The following ADPRM variants were observed in gnomAD, a reference collection of about 807,000 sequenced individuals.
ADPRM encodes the protein ADP-ribose/CDP-alcohol diphosphatase, manganese dependent, also known as manganese-dependent ADP-ribose/CDP-alcohol diphosphatase.
A neutral mutation model predicts 27.2 loss-of-function variants in ADPRM; 17 were observed. The ratio of observed to expected loss-of-function variants is 0.63; its 90% CI spans 0.43 to 0.94. The LOEUF (loss-of-function observed/expected upper bound fraction) is 0.94. Among genes scored for constraint, ADPRM ranks in the 40% least tolerant of loss-of-function variants. ADPRM has a pLI of 0.00. For synonymous variants in ADPRM, 135 were observed against 145.3 expected (o/e 0.93, Z 0.51); for missense variants, 337 against 412.8 (o/e 0.82, Z 1.59).
chr17:10,701,255 T>C lies in ADPRM; in HGVS notation c.-18+3588T>C, dbSNP rs77279764. Among the ~76,000 whole-genome samples, 117 of 152,288 alleles carry C rather than the reference T, an allele frequency of 7.7e-4. No homozygotes were observed. The East Asian group carries it at 0.019, about 24-fold the overall frequency. ...CTCCTTTCTATTCAAAAGCGAAATA[T>C]TTCCTTAGGTCTTCTAATTTTTCCA... is the stretch of plus-strand genomic sequence containing the variant. On this transcript the variant is annotated intron_variant, in intron 1 of 3. Coordinates refer to ENST00000379774, the MANE Select transcript of ADPRM (RefSeq NM_020233.5).
chr17:10,702,451 G>A lies in ADPRM; in HGVS notation c.-17-2459G>A, dbSNP rs1007672640. 2.0e-5 allele frequency among the ~76,000 whole-genome samples: 3 copies of A among 152,236 alleles called. No homozygotes were observed. The highest frequency in any genetic ancestry group is 7.2e-5 in the African/African-American group (3 of 41,466). On this transcript the variant is annotated intron_variant, in intron 1 of 3. Coordinates refer to ENST00000379774, the MANE Select transcript of ADPRM (RefSeq NM_020233.5). The surrounding 1 kb of genome is among the most constrained non-coding windows in gnomAD (Gnocchi z 4.2). ...CAGGAGAATTTATGTGCTGACATGT[G>A]TAACTAAATGACCAGTGTTCTAGCA...
At chr17:10,697,739 G>T in intron 1 of ADPRM, 72 bp downstream of exon 1, 1 of 614,976 alleles carries the variant, frequency 1.6e-6, no homozygotes, top group Non-Finnish European at 2.9e-6. Flanking sequence ...CGGGACAGCG[G>T]AGCGCCGGGA....
Position 10,711,117 on chromosome 17 carries a change from C to G in ADPRM, c.1002C>G (p.Tyr334Ter). Residue 334 changes from tyrosine (Y) to a stop codon, truncating the protein, a stop_gained, in exon 4 of 4, where the codon TAC becomes TAG. Coordinates refer to ENST00000379774, the MANE Select transcript of ADPRM (RefSeq NM_020233.5). LOFTEE classifies it high-confidence loss of function. Reference protein sequence around the residue: ...RGRVPDRIMNYKKERAFHC With the variant: ...RGRVPDRIMN ...GAGTTCCAGATAGAATTATGAATTACAAGAAAGAAAGAGCCTTCCATTGTT... is the reference window on the plus strand; with the variant it reads ...GAGTTCCAGATAGAATTATGAATTAGAAGAAAGAAAGAGCCTTCCATTGTT... The G allele has an allele frequency of 6.2e-7, 1 of 1,609,590 alleles. No individual in the cohort carries two copies. The highest frequency in any genetic ancestry group is 8.5e-7 in the Non-Finnish European group (1 of 1,176,462).
chr17:10,697,813 G>A (rs2074744977), intron 1 of ADPRM, 146 bp downstream of exon 1: 1 of 281,204 alleles, frequency 3.6e-6, no homozygotes, highest in South Asian at 3.1e-5. Context: ...CAAGCGCTGG[G>A]GGCCCCCGCT....
intron 3 of ADPRM, 49 bp downstream of exon 3, chr17:10,706,603 A>G (rs1597516579): frequency 7.4e-7 from 1 of 1,342,824 alleles, no homozygotes; most frequent in African/African-American, 1.5e-5. Context: ...AGATTGGGAA[A>G]AGTTAGGCGT....
chr17:10,705,078 A>G lies in ADPRM; in HGVS notation c.152A>G (p.His51Arg), dbSNP rs2074804548. The change falls in exon 2 of 4, where the codon CAC becomes CGC. Residue 51 changes from histidine (H) to arginine (R), a missense_variant. Physicochemically the swap from His to Arg is conservative, Grantham distance 29. Transcript: ENST00000379774. The surrounding 1 kb of genome is among the most constrained non-coding windows in gnomAD (Gnocchi z 5.4). ...RRRYYRHSLLHLQGAIEDWNN... is the reference protein window; with the variant it reads ...RRRYYRHSLLRLQGAIEDWNN... ...CGATACTACAGACATAGTCTTCTTC[A>G]CTTACAGGGTGCCATTGAAGACTGG... is the stretch of plus-strand genomic sequence containing the variant. 1 of 1,614,132 alleles carries G rather than the reference A, an allele frequency of 6.2e-7. No homozygotes were observed. The highest frequency in any genetic ancestry group is 8.5e-7 in the Non-Finnish European group (1 of 1,180,040).
intron 1 of ADPRM, among the ~76,000 whole-genome samples, chr17:10,701,574 C>T (rs575760716): frequency 6.6e-6 from 1 of 152,276 alleles, no homozygotes; most frequent in East Asian, 1.9e-4. Flanking sequence ...CGTGATCCGC[C>T]CACCTTGGCC....
rs1373784982 is a variant in ADPRM at position 10,702,706 on chromosome 17, T to G, written c.-17-2204T>G. Reference sequence around the variant, plus strand: ...CCCTAACTGGCCAGAGGAAACTGGGTTTTTACGGGCCAGGTCTGGGCCATG... The same window carrying G: ...CCCTAACTGGCCAGAGGAAACTGGGGTTTTACGGGCCAGGTCTGGGCCATG... On this transcript the variant is annotated intron_variant, in intron 1 of 3. Transcript: ENST00000379774. The surrounding 1 kb of genome is among the most constrained non-coding windows in gnomAD (Gnocchi z 4.2). Among the ~76,000 whole-genome samples the G allele has an allele frequency of 6.6e-6, 1 of 152,084 alleles. No homozygotes were observed. The highest frequency in any genetic ancestry group is 1.5e-5 in the Non-Finnish European group (1 of 68,018).
chr17:10,709,134 T>G (rs2074833523), intron 3 of ADPRM, among the ~76,000 whole-genome samples: 1 of 152,216 alleles, frequency 6.6e-6, no homozygotes, highest in Admixed American at 6.5e-5. Context: ...ATCCTATACC[T>G]TTTGAATTTT....
chr17:10,702,143 TA>T lies in ADPRM; in HGVS notation c.-17-2763del, dbSNP rs1316735572. On this transcript the variant is annotated intron_variant, in intron 1 of 3. Coordinates refer to ENST00000379774, the MANE Select transcript of ADPRM (RefSeq NM_020233.5). The surrounding 1 kb of genome is among the most constrained non-coding windows in gnomAD (Gnocchi z 4.2). Reference sequence around the variant, plus strand: ...CCAAAATCTGAAAAAGTCCGAAATCTAAAACACTTCTGGTCCCAAGCATTTT... The same window carrying T: ...CCAAAATCTGAAAAAGTCCGAAATCTAAACACTTCTGGTCCCAAGCATTTT... Among the ~76,000 whole-genome samples, 1 of 152,238 alleles carries T rather than the reference TA, an allele frequency of 6.6e-6. No individual in the cohort carries two copies. The highest frequency in any genetic ancestry group is 2.4e-5 in the African/African-American group (1 of 41,458).
Position 10,704,890 on chromosome 17 carries a change from C to T in ADPRM, c.-17-20C>T, listed in dbSNP as rs764044483. The T allele has an allele frequency of 8.8e-6, 13 of 1,484,732 alleles. No homozygotes were observed. The Admixed American group carries it at 2.5e-4, about 28-fold the overall frequency. The allele number at this position is 1,484,732 out of a possible 1,614,324, so 92.0% of individuals were successfully genotyped here. A position where few individuals can be genotyped will look rare whatever the true frequency, so the allele number is the denominator to read the frequency against. On this transcript the variant is annotated intron_variant, in intron 1 of 3. Transcript: ENST00000379774. Reference sequence around the variant, plus strand: ...ATTAAAACGTTTATAATTTAGTTATCGTCTTTTTACTTTATTTAGAAACCT... The same window carrying T: ...ATTAAAACGTTTATAATTTAGTTATTGTCTTTTTACTTTATTTAGAAACCT...
At chr17:10,708,450 A>AAAAAAATC (rs57337863) in intron 3 of ADPRM, among the ~76,000 whole-genome samples, 1 of 118,938 alleles carries the variant, frequency 8.4e-6, no homozygotes, top group Non-Finnish European at 1.6e-5. Context: ...AAAAAAAAAA[A>AAAAAAATC]CCTTTGAAAA....
intron 1 of ADPRM, among the ~76,000 whole-genome samples, chr17:10,699,518 C>CTTTTTTTTTTTTTT (rs781412834): frequency 1.8e-5 from 2 of 113,340 alleles, no homozygotes; most frequent in African/African-American, 6.8e-5. Context: ...TCTTTTCTTT[C>CTTTTTTTTTTTTTT]TTTTTTTTTT....
At position 10,697,633 on chromosome 17, in the gene ADPRM, A is replaced by G; in HGVS notation, c.-52A>G. On this transcript the variant is annotated 5_prime_UTR_variant, in exon 1 of 4. Coordinates refer to ENST00000379774, the MANE Select transcript of ADPRM (RefSeq NM_020233.5). ...TTGGTGGCGCTGTTACATAGCCCGT[A>G]GTCAGAGGCCTTTCAGCCCAGGGGC... 1 of 1,211,308 alleles carries G rather than the reference A, an allele frequency of 8.3e-7. No homozygotes were observed. The highest frequency in any genetic ancestry group is 1.2e-6 in the Non-Finnish European group (1 of 841,136). 75.0% of individuals were successfully genotyped at this position (1,211,308 alleles called of 1,614,324 possible).
At chr17:10,703,338 G>A (rs2074791523) in intron 1 of ADPRM, among the ~76,000 whole-genome samples, 1 of 152,142 alleles carries the variant, frequency 6.6e-6, no homozygotes, top group South Asian at 2.1e-4. Context: ...AGATTTTCAG[G>A]TAGGGGCTGC....
In ADPRM at chr17:10,704,173, G is replaced by A. The variant is rs116943392; in HGVS notation, c.-17-737G>A. ...AGCCTGGGCAACATAGTGAGACCCT[G>A]TCAAAAACAAAAACAAAAACCACAA... On this transcript the variant is annotated intron_variant, in intron 1 of 3. Transcript: ENST00000379774. 1.0e-3 allele frequency among the ~76,000 whole-genome samples: 142 copies of A among 141,288 alleles called. 1 individual carries two copies. In the East Asian group the frequency reaches 0.022, roughly 22 times the overall value. 92.7% of individuals were successfully genotyped at this position (141,288 alleles called of 152,430 possible).
chr17:10,710,698 T>C (rs2074846144), intron 3 of ADPRM, 136 bp from the exon 4 acceptor site: 1 of 739,720 alleles, frequency 1.4e-6, no homozygotes, highest in Admixed American at 2.9e-5. Context: ...GTGTGAATTC[T>C]CTCTGGTCTC....
Position 10,705,661 on chromosome 17 carries a change from C to A in ADPRM, c.601+134C>A. The A allele has an allele frequency of 1.5e-6, 2 of 1,338,516 alleles. No homozygotes were observed. Among genetic ancestry groups the A allele is most frequent in the South Asian group, 1.5e-5 (1 of 66,408 alleles). The allele number at this position is 1,338,516 out of a possible 1,614,324, so 82.9% of individuals were successfully genotyped here. A position where few individuals can be genotyped will look rare whatever the true frequency, so the allele number is the denominator to read the frequency against. ...GTTCAGGGTCAGGATTTCTCACAAG[C>A]CTTCTCACATGGATTGGTTACAGTT... On this transcript the variant is annotated intron_variant, in intron 2 of 3. Coordinates refer to ENST00000379774, the MANE Select transcript of ADPRM (RefSeq NM_020233.5). This position sits in a 1 kb window ranked among gnomAD's most constrained non-coding sequence, Gnocchi z 5.4.
chr17:10,707,790 T>C (rs1057291791), intron 3 of ADPRM, among the ~76,000 whole-genome samples: 4 of 152,190 alleles, frequency 2.6e-5, no homozygotes, highest in Non-Finnish European at 5.9e-5. Context: ...GTTAGATTTG[T>C]ATTTTCATAT....
Sources: allele counts gnomAD v4.1 joint callset (sites outside exome capture counted in the v4.1 genomes callset), GRCh38; gene constraint gnomAD v4.1.1; non-coding constraint Gnocchi (gnomAD v3.1); transcripts MANE v1.5; gene names NCBI Gene and HGNC (gene_info 2026-07-23, HGNC 2026-07-21).